The following PRRC1 variants were observed in gnomAD, a reference collection of about 807,000 sequenced individuals.
PRRC1 encodes protein PRRC1.
PRRC1 carries 39 observed loss-of-function variants against 40.7 expected under a neutral mutation model. The ratio of observed to expected loss-of-function variants is 0.96; its 90% CI spans 0.74 to 1.25. PRRC1 has a LOEUF of 1.25. PRRC1 is among the 50% of genes most tolerant of loss of function. PRRC1 has a pLI of 0.00. For synonymous variants in PRRC1, 175 were observed against 193.3 expected (o/e 0.91, Z 0.79); for missense variants, 573 against 548.3 (o/e 1.05, Z -0.45).
intron 1 of PRRC1, among the ~76,000 whole-genome samples, chr5:127,522,797 A>C (rs560708310): frequency 6.6e-6 from 1 of 151,698 alleles, no homozygotes; most frequent in Non-Finnish European, 1.5e-5. Context: ...ATTTTTAGAG[A>C]TCTTGCTCTG....
At chr5:127,519,783 C>T (rs1285694745) in intron 1 of PRRC1, among the ~76,000 whole-genome samples, 1 of 152,232 alleles carries the variant, frequency 6.6e-6, no homozygotes. Flanking sequence ...AGCTCCAGAC[C>T]AAGTCAGTGT....
At position 127,524,515 on chromosome 5, in the gene PRRC1, C is replaced by T. The variant is rs1198377591; in HGVS notation, c.104-16C>T. 6.3e-7 allele frequency: 1 copy of T among 1,584,316 alleles called. No homozygotes were observed. Among genetic ancestry groups the T allele is most frequent in the Non-Finnish European group, 8.6e-7 (1 of 1,163,184 alleles). Reference sequence around the variant, plus strand: ...ATTTCTAATTCTGTGCTTTTATCCTCTCCACTTTTTTCTAGCGGCAACCAG... The same window carrying T: ...ATTTCTAATTCTGTGCTTTTATCCTTTCCACTTTTTTCTAGCGGCAACCAG... On this transcript the variant is annotated splice_polypyrimidine_tract_variant and intron_variant, in intron 2 of 8. Transcript: ENST00000296666.
chr5:127,540,380 T>C (rs148813556), intron 7 of PRRC1, among the ~76,000 whole-genome samples: 373 of 152,256 alleles, frequency 2.4e-3, no homozygotes, highest in African/African-American at 8.6e-3. Flanking sequence ...GGTATCATTG[T>C]TAAGTATTTT....
intron 4 of PRRC1, among the ~76,000 whole-genome samples, chr5:127,529,320 CTTGT>C (rs1244593900): frequency 6.6e-6 from 1 of 151,826 alleles, no homozygotes; most frequent in Non-Finnish European, 1.5e-5. Flanking sequence ...TTTTTCTAAG[CTTGT>C]TTATTTTTTA....
intron 5 of PRRC1, among the ~76,000 whole-genome samples, chr5:127,532,166 TG>T (rs1481705040): frequency 6.6e-6 from 1 of 151,386 alleles, no homozygotes; most frequent in Non-Finnish European, 1.5e-5. Context: ...TGGAGTGCAG[TG>T]GTGCAATCTC....
intron 7 of PRRC1, among the ~76,000 whole-genome samples, chr5:127,540,799 T>C (rs1235225532): frequency 6.6e-6 from 1 of 152,182 alleles, no homozygotes; most frequent in African/African-American, 2.4e-5. Flanking sequence ...TTGTTTGTTT[T>C]TTTCTTGTAA....
Position 127,552,818 on chromosome 5 carries a change from T to C in PRRC1, c.*902T>C, listed in dbSNP as rs769668561. ...TTACTTTATTGCTTGTGGGTTAGTA[T>C]GTCTCTTACTTCAATTAAGGTTACT... On this transcript the variant is annotated 3_prime_UTR_variant, in exon 9 of 9. Transcript: ENST00000296666. 4.3e-4 allele frequency: 422 copies of C among 985,480 alleles called. No homozygotes were observed. The highest frequency in any genetic ancestry group is 4.9e-4 in the Non-Finnish European group (408 of 829,700). The allele number at this position is 985,480 out of a possible 1,614,324, so 61.0% of individuals were successfully genotyped here.
intron 7 of PRRC1, among the ~76,000 whole-genome samples, chr5:127,542,592 CTCT>C (rs1465756903): frequency 1.3e-5 from 2 of 151,248 alleles, no homozygotes; most frequent in African/African-American, 2.4e-5. Context: ...GGATAGTTAG[CTCT>C]TCTTGTTGAA....
In PRRC1 at chr5:127,554,614, GT is replaced by G. The variant is rs1768479698; in HGVS notation, c.*2701del. 6.6e-6 allele frequency: 1 copy of G among 152,336 alleles called. No homozygotes were observed. Among genetic ancestry groups the G allele is most frequent in the Admixed American group, 6.5e-5 (1 of 15,282 alleles). The allele number at this position is 152,336 out of a possible 1,614,324, so 9.4% of individuals were successfully genotyped here. On this transcript the variant is annotated 3_prime_UTR_variant, in exon 9 of 9. Transcript: ENST00000296666. ...TAAACTGTGTCACAGACTTCTGAAT[GT>G]TTAGGCAGTGCTAGTAATTTCCTCG...
At position 127,552,873 on chromosome 5, in the gene PRRC1, T is replaced by A. The variant is rs1768428957; in HGVS notation, c.*957T>A. ...TGGTTTGCCTTAAGCATTACTTTTT[T>A]AACTTTGTGCCATTTGGTCTTTACT... On this transcript the variant is annotated 3_prime_UTR_variant, in exon 9 of 9. Coordinates refer to ENST00000296666, the MANE Select transcript of PRRC1 (RefSeq NM_130809.5). The A allele has an allele frequency of 2.1e-6, 2 of 974,830 alleles. No individual in the cohort carries two copies. The highest frequency in any genetic ancestry group is 6.2e-5 in the Admixed American group (1 of 16,240). The allele number at this position is 974,830 out of a possible 1,614,324, so 60.4% of individuals were successfully genotyped here.
intron 7 of PRRC1, among the ~76,000 whole-genome samples, chr5:127,543,090 T>G (rs1768098146): frequency 6.6e-6 from 1 of 151,526 alleles, no homozygotes; most frequent in Non-Finnish European, 1.5e-5. Context: ...TCTCTCAGCA[T>G]TTGCTTGTCT....
chr5:127,535,485 T>G (rs1692388395), intron 6 of PRRC1, among the ~76,000 whole-genome samples: 1 of 152,192 alleles, frequency 6.6e-6, no homozygotes, highest in South Asian at 2.1e-4. Context: ...TTGTTCAGCC[T>G]CAGCTAGGAG....
chr5:127,530,492 T>A lies in PRRC1; in HGVS notation c.757+96T>A, dbSNP rs986410863. The A allele has an allele frequency of 3.3e-5, 22 of 662,670 alleles. No individual in the cohort carries two copies. The Admixed American group carries it at 4.2e-4, about 13-fold the overall frequency. 41.0% of individuals were successfully genotyped at this position (662,670 alleles called of 1,614,324 possible). On this transcript the variant is annotated intron_variant, in intron 5 of 8. Coordinates refer to ENST00000296666, the MANE Select transcript of PRRC1 (RefSeq NM_130809.5). ...TAATTCTCTGTTCGTTTCCACTGAT[T>A]GTGTAATCAGTGGAAATTCTTATTA...
At chr5:127,546,967 G>A (rs1232388863) in intron 7 of PRRC1, among the ~76,000 whole-genome samples, 1 of 152,030 alleles carries the variant, frequency 6.6e-6, no homozygotes, top group Non-Finnish European at 1.5e-5. Flanking sequence ...ATTCAGCAAA[G>A]TTATTTATGT....
intron 8 of PRRC1, chr5:127,551,474 C>T (rs914357533): frequency 4.6e-5 from 22 of 479,706 alleles, no homozygotes; most frequent in South Asian, 1.3e-4. Context: ...TCAAACCTTC[C>T]GACTGTTAGC....
At position 127,551,985 on chromosome 5, in the gene PRRC1, C is replaced by A; in HGVS notation, c.*69C>A. ...CTTGATGTTAAAGAAGTGGTTGTACCTTCCTAAATCGAATAGTCTAAATGA... is the reference window on the plus strand; with the variant it reads ...CTTGATGTTAAAGAAGTGGTTGTACATTCCTAAATCGAATAGTCTAAATGA... On this transcript the variant is annotated 3_prime_UTR_variant, in exon 9 of 9. Coordinates refer to ENST00000296666, the MANE Select transcript of PRRC1 (RefSeq NM_130809.5). 1 of 1,595,662 alleles carries A rather than the reference C, an allele frequency of 6.3e-7. No individual in the cohort carries two copies. Among genetic ancestry groups the A allele is most frequent in the South Asian group, 1.1e-5 (1 of 88,682 alleles).
intron 8 of PRRC1, 134 bp from the exon 9 acceptor site, chr5:127,551,573 C>A: frequency 1.1e-6 from 1 of 881,626 alleles, no homozygotes. Context: ...TAGTTGGCAG[C>A]CTAGCTGTAT....
At chr5:127,543,039 T>C (rs1277636755) in intron 7 of PRRC1, among the ~76,000 whole-genome samples, 1 of 135,420 alleles carries the variant, frequency 7.4e-6, no homozygotes, top group Non-Finnish European at 1.6e-5. Flanking sequence ...TGTTTAGTGC[T>C]TCCTTCAGCA....
At chr5:127,547,395 T>C (rs1362707336) in intron 7 of PRRC1, among the ~76,000 whole-genome samples, 2 of 152,078 alleles carry the variant, frequency 1.3e-5, no homozygotes, top group Non-Finnish European at 2.9e-5. Flanking sequence ...AATTTGTTAG[T>C]AACTTAGTTG....
Sources: gnomAD v4.1 joint callset for allele counts (sites outside exome capture counted in the v4.1 genomes callset) on GRCh38, gnomAD v4.1.1 for gene constraint, MANE v1.5 for transcripts, NCBI Gene and HGNC (gene_info 2026-07-23, HGNC 2026-07-21) for gene names.